The following CCDC148 variants were observed in gnomAD, a reference collection of about 807,000 sequenced individuals.
CCDC148 encodes coiled-coil domain containing 148, also known as coiled-coil domain-containing protein 148.
CCDC148 carries 89 observed loss-of-function variants against 85.7 expected under a neutral mutation model. The ratio of observed to expected loss-of-function variants is 1.04; its 90% CI spans 0.87 to 1.24. CCDC148 has a LOEUF of 1.24. Among genes scored for constraint, CCDC148 ranks in the 50% most tolerant of loss-of-function variants. The pLI, the probability that CCDC148 is intolerant of heterozygous loss-of-function variation, is 0.00. For synonymous variants in CCDC148, 230 were observed against 213.9 expected, an observed-to-expected ratio of 1.08 and a Z score of -0.66; for missense variants, 692 against 671.7, an observed-to-expected ratio of 1.03 and a Z score of -0.33.
intron 11 of CCDC148, among the ~76,000 whole-genome samples, chr2:158,204,676 T>G (rs564644445): frequency 6.6e-6 from 1 of 152,146 alleles, no homozygotes; most frequent in African/African-American, 2.4e-5. Context: ...ACTCCAGAAA[T>G]TATGAAGCAG....
At chr2:158,344,717 A>AT (rs1165949871) in intron 3 of CCDC148, among the ~76,000 whole-genome samples, 1 of 152,104 alleles carries the variant, frequency 6.6e-6, no homozygotes, top group Non-Finnish European at 1.5e-5. Flanking sequence ...AAAATTGAGT[A>AT]AGTTAGTCAT....
chr2:158,388,372 G>T (rs1212430292), intron 1 of CCDC148, among the ~76,000 whole-genome samples: 1 of 152,196 alleles, frequency 6.6e-6, no homozygotes, highest in Non-Finnish European at 1.5e-5. Flanking sequence ...GGAGGAAAGG[G>T]TCACAGTACT....
intron 10 of CCDC148, among the ~76,000 whole-genome samples, chr2:158,235,189 A>G (rs1351918310): frequency 6.6e-6 from 1 of 152,222 alleles, no homozygotes; most frequent in East Asian, 1.9e-4. Context: ...ATGTGTAAGT[A>G]TATTATGGCC....
chr2:158,435,171 A>C (rs1687580770), intron 1 of CCDC148, among the ~76,000 whole-genome samples: 1 of 152,184 alleles, frequency 6.6e-6, no homozygotes, highest in African/African-American at 2.4e-5. Flanking sequence ...AAGACACATA[A>C]TTGTCAGATT....
intron 7 of CCDC148, among the ~76,000 whole-genome samples, chr2:158,323,360 T>C (rs1370033813): frequency 6.6e-6 from 1 of 152,248 alleles, no homozygotes; most frequent in African/African-American, 2.4e-5. Context: ...ATTGATTGTA[T>C]GTTGAAATTA....
intron 8 of CCDC148, among the ~76,000 whole-genome samples, chr2:158,310,523 C>A (rs1574597597): frequency 6.6e-6 from 1 of 151,616 alleles, no homozygotes; most frequent in South Asian, 2.1e-4. Flanking sequence ...CCCCCACCCC[C>A]CAGACGGGGC....
At chr2:158,439,255 AGAAAAT>A (rs1028339947) in intron 1 of CCDC148, among the ~76,000 whole-genome samples, 9 of 152,238 alleles carry the variant, frequency 5.9e-5, no homozygotes, top group Non-Finnish European at 1.0e-4. Context: ...GACTGGATTA[AGAAAAT>A]GTGGCACATA....
At chr2:158,260,619 T>C (rs1254421442) in intron 9 of CCDC148, among the ~76,000 whole-genome samples, 1 of 152,064 alleles carries the variant, frequency 6.6e-6, no homozygotes, top group Non-Finnish European at 1.5e-5. Flanking sequence ...TAAAAACCCA[T>C]AGTCTCAGCC....
intron 7 of CCDC148, among the ~76,000 whole-genome samples, chr2:158,334,275 T>C (rs190506204): frequency 2.2e-4 from 34 of 152,272 alleles, no homozygotes; most frequent in Non-Finnish European, 4.0e-4. Flanking sequence ...CAGTAAGTTG[T>C]AATTCTTTGT....
At chr2:158,379,542 A>G (rs183753381) in intron 1 of CCDC148, among the ~76,000 whole-genome samples, 74 of 152,280 alleles carry the variant, frequency 4.9e-4, no homozygotes, top group African/African-American at 1.7e-3. Context: ...AAAGCATCAC[A>G]TGCTTCACAG....
intron 11 of CCDC148, among the ~76,000 whole-genome samples, chr2:158,220,144 T>A (rs1196609344): frequency 6.6e-6 from 1 of 151,136 alleles, no homozygotes; most frequent in Non-Finnish European, 1.5e-5. Flanking sequence ...AATTCCAGAT[T>A]TTTTTCATGT....
chr2:158,218,258 C>A (rs1042772342), intron 11 of CCDC148, among the ~76,000 whole-genome samples: 1 of 152,094 alleles, frequency 6.6e-6, no homozygotes, highest in Non-Finnish European at 1.5e-5. Context: ...CAGAAGTTAT[C>A]CAGTTCAACT....
intron 1 of CCDC148, among the ~76,000 whole-genome samples, chr2:158,447,783 A>G (rs1351465767): frequency 6.6e-6 from 1 of 152,140 alleles, no homozygotes; most frequent in Non-Finnish European, 1.5e-5. Flanking sequence ...TATATATTCT[A>G]GATACAAGTA....
chr2:158,354,217 T>G (rs1272740965), intron 2 of CCDC148, among the ~76,000 whole-genome samples: 1 of 151,668 alleles, frequency 6.6e-6, no homozygotes, highest in Non-Finnish European at 1.5e-5. Flanking sequence ...AGGCAAGAAA[T>G]AATGAAAATC....
chr2:158,439,140 G>T, intron 1 of CCDC148, among the ~76,000 whole-genome samples: 1 of 152,118 alleles, frequency 6.6e-6, no homozygotes, highest in Non-Finnish European at 1.5e-5. Flanking sequence ...ATACCCAAAG[G>T]TTCATAAATC....
intron 1 of CCDC148, among the ~76,000 whole-genome samples, chr2:158,431,803 T>TAG: frequency 6.6e-6 from 1 of 152,180 alleles, no homozygotes; most frequent in South Asian, 2.1e-4. Flanking sequence ...CTGGGTGTGA[T>TAG]GGTGTGTGCC....
At chr2:158,313,564 C>T (rs1692138803) in intron 8 of CCDC148, among the ~76,000 whole-genome samples, 192 bp downstream of exon 8, 2 of 152,172 alleles carry the variant, frequency 1.3e-5, no homozygotes, top group Admixed American at 1.3e-4. Context: ...CCCCCCACCT[C>T]GTTATGGACA....
At chr2:158,250,457 T>C (rs1688743075) in intron 10 of CCDC148, among the ~76,000 whole-genome samples, 1 of 151,644 alleles carries the variant, frequency 6.6e-6, no homozygotes, top group Non-Finnish European at 1.5e-5. Context: ...TACCCTCTCA[T>C]TTTTTGCCAC....
At chr2:158,195,262 C>T (rs753094761) in intron 11 of CCDC148, among the ~76,000 whole-genome samples, 7 of 152,024 alleles carry the variant, frequency 4.6e-5, no homozygotes, top group Non-Finnish European at 8.8e-5. Flanking sequence ...TTCCATTTCC[C>T]CCCATATATT....
Sources: allele counts gnomAD v4.1 joint callset (sites outside exome capture counted in the v4.1 genomes callset), GRCh38; gene constraint gnomAD v4.1.1; transcripts MANE v1.5; gene names NCBI Gene and HGNC (gene_info 2026-07-23, HGNC 2026-07-21).